NPAS3: variants seen among roughly 807,000 people sequenced by gnomAD.
NPAS3 encodes neuronal PAS domain-containing protein 3.
A neutral mutation model predicts 73.1 loss-of-function variants in NPAS3; 14 were observed. That is an observed-to-expected ratio of 0.19 (90% CI 0.13 to 0.30). The LOEUF is 0.30. NPAS3 is among the 10% of genes least tolerant of loss of function. The pLI is 1.00. For synonymous variants in NPAS3, 620 were observed against 541.5 expected, an observed-to-expected ratio of 1.14 and a Z score of -2.01; for missense variants, 1,096 against 1,250.0, an observed-to-expected ratio of 0.88 and a Z score of 1.86.
At chr14:33,674,019 T>C (rs753696351) in intron 5 of NPAS3, among the ~76,000 whole-genome samples, 2 of 152,168 alleles carry the variant, frequency 1.3e-5, no homozygotes, top group Non-Finnish European at 2.9e-5. Context: ...GGAAATCCCA[T>C]GAGGCCACAG....
intron 5 of NPAS3, among the ~76,000 whole-genome samples, chr14:33,643,412 G>GC (rs112792015): frequency 0.1 from 14,386 of 144,120 alleles, 733 homozygotes; most frequent in South Asian, 0.13. Flanking sequence ...GAGAGATGGA[G>GC]CAAGAGGGCA....
At chr14:33,186,013 G>T (rs976799751) in intron 2 of NPAS3, among the ~76,000 whole-genome samples, 1 of 152,252 alleles carries the variant, frequency 6.6e-6, no homozygotes, top group Non-Finnish European at 1.5e-5. Flanking sequence ...AAATGCTTGG[G>T]TCTCAGTCAA....
At chr14:33,275,282 A>G (rs1363517699) in intron 3 of NPAS3, among the ~76,000 whole-genome samples, 1 of 152,176 alleles carries the variant, frequency 6.6e-6, no homozygotes, top group Non-Finnish European at 1.5e-5. Flanking sequence ...CTCGTTAGCC[A>G]CTTAAAATCC....
intron 5 of NPAS3, among the ~76,000 whole-genome samples, chr14:33,572,954 C>T (rs778344067): frequency 1.5e-5 from 2 of 137,320 alleles, no homozygotes; most frequent in Non-Finnish European, 3.0e-5. Context: ...CCCCGGGAAG[C>T]GGAGGTTGCA....
intron 4 of NPAS3, among the ~76,000 whole-genome samples, chr14:33,412,735 T>C (rs1347273777): frequency 6.6e-6 from 1 of 152,152 alleles, no homozygotes; most frequent in Non-Finnish European, 1.5e-5. Context: ...TGTTTGACAT[T>C]TTCTTACCTG....
At chr14:32,984,523 C>G (rs1445602121) in intron 1 of NPAS3, among the ~76,000 whole-genome samples, 1 of 152,152 alleles carries the variant, frequency 6.6e-6, no homozygotes, top group Non-Finnish European at 1.5e-5. Context: ...AATACTTATG[C>G]TTCAGTTCTC....
chr14:33,102,035 C>G (rs1944224365), intron 2 of NPAS3, among the ~76,000 whole-genome samples: 1 of 151,768 alleles, frequency 6.6e-6, no homozygotes, highest in Admixed American at 6.6e-5. Context: ...GAGTACTTCT[C>G]AGACCTACAC....
At chr14:33,147,052 GTTTT>G (rs888658504) in intron 2 of NPAS3, among the ~76,000 whole-genome samples, 1 of 148,738 alleles carries the variant, frequency 6.7e-6, no homozygotes, top group South Asian at 2.1e-4. Context: ...TGTATGTCAG[GTTTT>G]TTTTTTCTTT....
chr14:33,780,660 T>C, intron 9 of NPAS3: 1 of 454,988 alleles, frequency 2.2e-6, no homozygotes, highest in Non-Finnish European at 4.4e-6. Context: ...TCAGGAACAG[T>C]GAGCGAGGGC....
At chr14:33,288,203 CT>C (rs1370403047) in intron 3 of NPAS3, among the ~76,000 whole-genome samples, 1 of 152,134 alleles carries the variant, frequency 6.6e-6, no homozygotes, top group Non-Finnish European at 1.5e-5. Context: ...AGTCTCAGCC[CT>C]TAATAGCCAG....
At chr14:33,330,666 A>G (rs1480171213) in intron 3 of NPAS3, among the ~76,000 whole-genome samples, 1 of 152,222 alleles carries the variant, frequency 6.6e-6, no homozygotes, top group Non-Finnish European at 1.5e-5. Context: ...GCATTTTTAT[A>G]GTTATTGGAC....
intron 4 of NPAS3, among the ~76,000 whole-genome samples, chr14:33,388,926 A>G (rs2046886722): frequency 6.6e-6 from 1 of 152,188 alleles, no homozygotes; most frequent in Non-Finnish European, 1.5e-5. Flanking sequence ...TAAGGGCTTC[A>G]TACTTGATAA....
At chr14:33,279,635 T>A (rs750525455) in intron 3 of NPAS3, among the ~76,000 whole-genome samples, 1 of 152,140 alleles carries the variant, frequency 6.6e-6, no homozygotes, top group Non-Finnish European at 1.5e-5. Flanking sequence ...GTGATTCCTA[T>A]CACCTTTTCA....
intron 5 of NPAS3, among the ~76,000 whole-genome samples, chr14:33,644,054 A>T (rs1415785311): frequency 1.3e-5 from 2 of 152,204 alleles, no homozygotes; most frequent in East Asian, 3.9e-4. Flanking sequence ...TGAAAGAAAA[A>T]GTAGTGGCTT....
intron 6 of NPAS3, among the ~76,000 whole-genome samples, chr14:33,716,534 C>G (rs545695056): frequency 1.3e-5 from 2 of 152,110 alleles, no homozygotes; most frequent in Non-Finnish European, 2.9e-5. Context: ...GCATTAAGTA[C>G]ATTCACATTG....
At chr14:33,722,368 T>TA (rs1330634386) in intron 6 of NPAS3, among the ~76,000 whole-genome samples, 2 of 152,036 alleles carry the variant, frequency 1.3e-5, no homozygotes, top group Non-Finnish European at 2.9e-5. Context: ...AAAGGGGGGG[T>TA]AATTCTAGGG....
chr14:33,423,532 ATTTG>A (rs1479541002), intron 4 of NPAS3, among the ~76,000 whole-genome samples: 2 of 151,946 alleles, frequency 1.3e-5, no homozygotes, highest in African/African-American at 4.8e-5. Flanking sequence ...TATCCATTTT[ATTTG>A]TTATTGCTGG....
chr14:33,479,566 G>A (rs974349164), intron 4 of NPAS3, among the ~76,000 whole-genome samples: 3 of 152,186 alleles, frequency 2.0e-5, no homozygotes, highest in Non-Finnish European at 4.4e-5. Flanking sequence ...AAGCTCTAAA[G>A]CCATGTTTTC....
intron 3 of NPAS3, among the ~76,000 whole-genome samples, chr14:33,224,530 T>C (rs927152410): frequency 6.6e-6 from 1 of 151,982 alleles, no homozygotes; most frequent in African/African-American, 2.4e-5. Context: ...GGAAGGCCAA[T>C]AGATATTTTT....
Sources: allele counts gnomAD v4.1 joint callset (sites outside exome capture counted in the v4.1 genomes callset), GRCh38; gene constraint gnomAD v4.1.1; transcripts MANE v1.5; gene names NCBI Gene and HGNC (gene_info 2026-07-23, HGNC 2026-07-21).